Variants in DNAH8 observed in about 807,000 individuals in gnomAD.
DNAH8 encodes dynein axonemal heavy chain 8.
A neutral mutation model predicts 562.1 loss-of-function variants in DNAH8; 382 were observed. The ratio of observed to expected loss-of-function variants is 0.68; its 90% CI spans 0.63 to 0.74. The LOEUF (loss-of-function observed/expected upper bound fraction) is 0.74. Among genes scored for constraint, DNAH8 ranks in the 30% least tolerant of loss-of-function variants. The pLI is 0.00. For synonymous variants in DNAH8, 1,881 were observed against 1,919.4 expected (o/e 0.98, Z 0.52); for missense variants, 5,203 against 5,620.4 (o/e 0.93, Z 2.37).
intron 8 of DNAH8, among the ~76,000 whole-genome samples, chr6:38,746,758 G>A (rs941322576): frequency 2.0e-5 from 3 of 151,962 alleles, no homozygotes; most frequent in South Asian, 4.2e-4. Flanking sequence ...GCAAAATCCC[G>A]TCTCTACTAA....
At chr6:38,927,623 G>C (rs761910182) in intron 74 of DNAH8, among the ~76,000 whole-genome samples, 2 of 152,102 alleles carry the variant, frequency 1.3e-5, no homozygotes, top group African/African-American at 4.8e-5. Context: ...ACTTGTCCCT[G>C]GCCCCATTCC....
intron 88 of DNAH8, among the ~76,000 whole-genome samples, chr6:38,994,635 G>A (rs1482797576): frequency 7.0e-6 from 1 of 142,752 alleles, no homozygotes; most frequent in Non-Finnish European, 1.5e-5. Flanking sequence ...CCTATCACCA[G>A]TGACTTTTTT....
At chr6:39,021,335 CA>C (rs35157233) in intron 91 of DNAH8, among the ~76,000 whole-genome samples, 20,203 of 147,648 alleles carry the variant, frequency 0.14, 1,594 homozygotes, top group East Asian at 0.35. Context: ...ACTTTTAGTA[CA>C]TCCCCCTCCT....
chr6:38,718,554 T>C (rs1347669570), intron 1 of DNAH8, among the ~76,000 whole-genome samples: 6 of 152,194 alleles, frequency 3.9e-5, no homozygotes, highest in Non-Finnish European at 8.8e-5. Context: ...GCAGTGGTCA[T>C]GTATTTATAT....
intron 30 of DNAH8, among the ~76,000 whole-genome samples, chr6:38,831,529 A>C (rs915041466): frequency 1.3e-5 from 2 of 152,144 alleles, no homozygotes; most frequent in Non-Finnish European, 2.9e-5. Flanking sequence ...ATCCTTTAGC[A>C]GAAATAGATT....
intron 89 of DNAH8, among the ~76,000 whole-genome samples, chr6:39,009,868 T>C (rs545988702): frequency 7.2e-5 from 11 of 152,314 alleles, no homozygotes; most frequent in South Asian, 4.1e-4. Context: ...GAGATAGTTA[T>C]AGTAAGGGGA....
rs1049143445 is a variant in DNAH8, at chr6:38,945,733, G to A, written c.12129+145G>A. 5 of 1,084,136 alleles carry A rather than the reference G, an allele frequency of 4.6e-6. No individual in the cohort carries two copies. In the African/African-American group the frequency reaches 6.3e-5, roughly 14 times the overall value. The allele number at this position is 1,084,136 out of a possible 1,614,324, so 67.2% of individuals were successfully genotyped here. On this transcript the variant is annotated intron_variant, in intron 80 of 92. Transcript: ENST00000327475. The stretch of plus-strand genomic sequence containing the variant: ...GGATTTGAGGCTCTGTGGCTGTCTG[G>A]GAGAGATCTTGGACAGATGGACCTC...
Position 38,923,118 on chromosome 6 carries a change from G to C in DNAH8, c.10723G>C (p.Asp3575His). The C allele has an allele frequency of 6.2e-7, 1 of 1,613,724 alleles. No homozygotes were observed. The highest frequency in any genetic ancestry group is 8.5e-7 in the Non-Finnish European group (1 of 1,179,798). ...KKMQAASTLI[D>H]GLSGEKIRWT... ...GATGCAGGCCGCCTCCACTCTCATC[G>C]ATGGGCTGAGTGGAGAAAAAATCCG... The change falls in exon 72 of 93, where the codon GAT becomes CAT. Residue 3575 changes from aspartate to histidine, a missense_variant. This residue lies in a region of DNAH8 where 1,399 missense variants were observed against 1,518.4 expected (regional missense o/e 0.92). Coordinates refer to ENST00000327475, the MANE Select transcript of DNAH8 (RefSeq NM_001206927.2).
intron 35 of DNAH8, 30 bp from the exon 36 acceptor site, chr6:38,845,544 C>T (rs752942011): frequency 6.1e-5 from 96 of 1,574,378 alleles, no homozygotes; most frequent in East Asian, 4.0e-4. Flanking sequence ...TTGAAAACAT[C>T]ATGACATATA....
At position 38,913,832 on chromosome 6, in the gene DNAH8, T is replaced by TG; in HGVS notation, c.9860-16dup. The TG allele has an allele frequency of 6.4e-7, 1 of 1,570,222 alleles. No individual in the cohort carries two copies. Among genetic ancestry groups the TG allele is most frequent in the East Asian group, 2.2e-5 (1 of 44,450 alleles). On this transcript the variant is annotated splice_polypyrimidine_tract_variant and intron_variant, in intron 66 of 92. Transcript: ENST00000327475. ...TACCTGTACTCAGTAAAGGTATATA[T>TG]GTGTGTATTTGTAAAGGTCTTGATA...
chr6:38,853,806 T>A (rs1395127756), intron 41 of DNAH8, among the ~76,000 whole-genome samples: 1 of 152,150 alleles, frequency 6.6e-6, no homozygotes, highest in South Asian at 2.1e-4. Context: ...TAGCCTACAG[T>A]TAGGCAAAAT....
At chr6:38,832,723 G>A (rs1773946710) in intron 31 of DNAH8, among the ~76,000 whole-genome samples, 1 of 152,188 alleles carries the variant, frequency 6.6e-6, no homozygotes, top group Non-Finnish European at 1.5e-5. Context: ...ATCTCATACT[G>A]TTTTAAGAAA....
At position 38,990,176 on chromosome 6, in the gene DNAH8, A is replaced by G. The variant is rs1197213862; in HGVS notation, c.13214+4A>G. 6.3e-7 allele frequency: 1 copy of G among 1,586,472 alleles called. No individual in the cohort carries two copies. The highest frequency in any genetic ancestry group is 1.2e-5 in the South Asian group (1 of 86,406). On this transcript the variant is annotated splice_donor_region_variant and intron_variant, in intron 88 of 92. Coordinates refer to ENST00000327475, the MANE Select transcript of DNAH8 (RefSeq NM_001206927.2). ...TTCACCCTAATGCTGATATCACGTA[A>G]GTCCCTGGCATTTTTTAATTTGAAG...
intron 31 of DNAH8, 124 bp downstream of exon 31, chr6:38,832,559 C>A: frequency 1.7e-6 from 1 of 584,456 alleles, no homozygotes; most frequent in Non-Finnish European, 3.0e-6. Context: ...GTATTTGCAG[C>A]TATCAGAAAA....
At chr6:38,894,579 T>C in intron 58 of DNAH8, 122 bp from the exon 59 acceptor site, 1 of 803,672 alleles carries the variant, frequency 1.2e-6, no homozygotes, top group East Asian at 2.6e-5. Flanking sequence ...GTGAACTTAA[T>C]CTTGATTTAT....
At position 38,890,769 on chromosome 6, in the gene DNAH8, A is replaced by G. The variant is rs749831688; in HGVS notation, c.8583+8A>G. The G allele has an allele frequency of 3.1e-6, 5 of 1,588,398 alleles. No individual in the cohort carries two copies. In the South Asian group the frequency reaches 5.5e-5, roughly 18 times the overall value. The stretch of plus-strand genomic sequence containing the variant: ...CTGTGGCAATGGACTAAGGTACAGA[A>G]TGGTTTGTCAATAATTTTTAAAAAG... On this transcript the variant is annotated splice_region_variant and intron_variant, in intron 58 of 92. Transcript: ENST00000327475.
chr6:38,862,183 TA>T, intron 43 of DNAH8, 96 bp from the exon 44 acceptor site: 1 of 1,086,996 alleles, frequency 9.2e-7, no homozygotes, highest in Non-Finnish European at 1.3e-6. Flanking sequence ...GACTCTAAAA[TA>T]AATAGGCCCA....
At position 38,927,373 on chromosome 6, in the gene DNAH8, G is replaced by T. The variant is rs6933584; in HGVS notation, c.11118+1163G>T. On this transcript the variant is annotated intron_variant, in intron 74 of 92. Transcript: ENST00000327475. The stretch of plus-strand genomic sequence containing the variant: ...ATCCAAGTGGATATAGCCCAGTGCT[G>T]GGAAGCACACCTAAATACCCCACCT... Among the ~76,000 whole-genome samples the T allele has an allele frequency of 7.2e-5, 11 of 152,134 alleles. No individual in the cohort carries two copies. The South Asian group carries it at 1.9e-3, about 26-fold the overall frequency.
chr6:39,018,551 A>G (rs911240587), intron 91 of DNAH8, among the ~76,000 whole-genome samples: 9 of 152,152 alleles, frequency 5.9e-5, no homozygotes, highest in African/African-American at 2.2e-4. Context: ...CCACTGTAGC[A>G]TGCTCATTCC....
Sources: allele counts gnomAD v4.1 joint callset (sites outside exome capture counted in the v4.1 genomes callset), GRCh38; gene constraint gnomAD v4.1.1; regional missense constraint gnomAD v4.1.1; transcripts MANE v1.5; gene names NCBI Gene and HGNC (gene_info 2026-07-23, HGNC 2026-07-21).